The following CNTN5 variants were observed in gnomAD, a reference collection of about 807,000 sequenced individuals.
The protein encoded by CNTN5 is contactin-5.
Under a neutral mutation model 129.1 loss-of-function variants are expected in CNTN5, and 77 were observed. The ratio of observed to expected loss-of-function variants is 0.60; its 90% CI spans 0.50 to 0.72. The LOEUF (loss-of-function observed/expected upper bound fraction) is 0.72, where lower values mean the gene tolerates loss of function less well. Ranked by LOEUF, CNTN5 falls within the 30% of genes least tolerant of loss-of-function variation. The pLI, the probability that CNTN5 is intolerant of heterozygous loss-of-function variation, is 0.00. For missense variants in CNTN5, 1,478 were observed against 1,328.8 expected (o/e 1.11, Z -1.75); for synonymous variants, 509 against 465.6 (o/e 1.09, Z -1.20).
Position 100,356,998 on chromosome 11 carries a change from A to T in CNTN5, c.*778A>T, listed in dbSNP as rs1952539105. 1 of 151,798 alleles carries T rather than the reference A, an allele frequency of 6.6e-6. No homozygotes were observed. Among genetic ancestry groups the T allele is most frequent in the Non-Finnish European group, 1.5e-5 (1 of 67,826 alleles). 9.4% of individuals were successfully genotyped at this position (151,798 alleles called of 1,614,324 possible). ...AAAAGATGGTTTAACATCACCAAAA[A>T]ATATGATCACTAAAAACTGCAGACA... On this transcript the variant is annotated 3_prime_UTR_variant, in exon 25 of 25. Transcript: ENST00000524871.
chr11:99,930,774 T>C (rs1037055170), intron 7 of CNTN5, among the ~76,000 whole-genome samples: 1 of 121,980 alleles, frequency 8.2e-6, no homozygotes, highest in African/African-American at 3.2e-5. Context: ...AAACAGTAGA[T>C]AAAAATAAAC....
At chr11:99,609,286 A>G (rs1208622326) in intron 3 of CNTN5, among the ~76,000 whole-genome samples, 1 of 152,166 alleles carries the variant, frequency 6.6e-6, no homozygotes, top group Non-Finnish European at 1.5e-5. Context: ...ACCCAAAGAG[A>G]TAAGTGGCAA....
At chr11:99,446,169 T>A (rs1331168606) in intron 2 of CNTN5, among the ~76,000 whole-genome samples, 1 of 151,982 alleles carries the variant, frequency 6.6e-6, no homozygotes, top group South Asian at 2.1e-4. Flanking sequence ...CTGCATCTTA[T>A]CTTAGTTTCC....
chr11:99,714,739 G>T (rs747577514), intron 3 of CNTN5, among the ~76,000 whole-genome samples: 19 of 151,474 alleles, frequency 1.3e-4, no homozygotes, highest in Non-Finnish European at 2.1e-4. Flanking sequence ...CAAATCCCAT[G>T]TTCACCATAT....
At chr11:99,247,539 C>T (rs1280292153) in intron 1 of CNTN5, among the ~76,000 whole-genome samples, 1 of 151,878 alleles carries the variant, frequency 6.6e-6, no homozygotes, top group African/African-American at 2.4e-5. Flanking sequence ...TATACATGTG[C>T]CATGTTGTTG....
At chr11:99,440,039 A>G (rs1486586871) in intron 2 of CNTN5, among the ~76,000 whole-genome samples, 1 of 152,184 alleles carries the variant, frequency 6.6e-6, no homozygotes, top group Admixed American at 6.5e-5. Context: ...TAATGAATGC[A>G]TTAGTATTTC....
At chr11:99,679,612 T>C (rs1400054831) in intron 3 of CNTN5, among the ~76,000 whole-genome samples, 1 of 152,216 alleles carries the variant, frequency 6.6e-6, no homozygotes, top group African/African-American at 2.4e-5. Flanking sequence ...CACTTTTTCC[T>C]GTCCCTCTCC....
intron 2 of CNTN5, among the ~76,000 whole-genome samples, chr11:99,532,808 T>TC (rs558681840): frequency 8.5e-4 from 129 of 152,318 alleles, no homozygotes; most frequent in African/African-American, 3.0e-3. Flanking sequence ...ATATAAAAAC[T>TC]CTTTTTCCTC....
At chr11:99,535,427 A>G (rs752807240) in intron 2 of CNTN5, among the ~76,000 whole-genome samples, 1 of 152,192 alleles carries the variant, frequency 6.6e-6, no homozygotes, top group Non-Finnish European at 1.5e-5. Context: ...ATTGTGCCAC[A>G]TGAAAATTCC....
At chr11:99,768,513 T>A (rs537902082) in intron 3 of CNTN5, among the ~76,000 whole-genome samples, 1 of 152,266 alleles carries the variant, frequency 6.6e-6, no homozygotes, top group African/African-American at 2.4e-5. Flanking sequence ...TGATACTTTA[T>A]CTCTTGACCC....
At chr11:99,542,203 TC>T (rs1948141575) in intron 2 of CNTN5, among the ~76,000 whole-genome samples, 1 of 152,086 alleles carries the variant, frequency 6.6e-6, no homozygotes, top group African/African-American at 2.4e-5. Flanking sequence ...CCAACTCCTC[TC>T]TTCTAGCAAT....
intron 2 of CNTN5, among the ~76,000 whole-genome samples, chr11:99,451,163 A>C (rs967883644): frequency 2.6e-5 from 4 of 152,090 alleles, no homozygotes; most frequent in African/African-American, 9.7e-5. Context: ...AGTCAAGAGA[A>C]AGGATGGAAA....
At chr11:99,165,386 A>T (rs1860821406) in intron 1 of CNTN5, among the ~76,000 whole-genome samples, 1 of 152,184 alleles carries the variant, frequency 6.6e-6, no homozygotes, top group South Asian at 2.1e-4. Context: ...AGGAAGATCA[A>T]ATTTGGCATG....
At chr11:99,882,867 C>A (rs971637784) in intron 6 of CNTN5, among the ~76,000 whole-genome samples, 4 of 152,076 alleles carry the variant, frequency 2.6e-5, no homozygotes, top group African/African-American at 9.7e-5. Flanking sequence ...TTATTCCCCC[C>A]ACCTCCATTC....
intron 2 of CNTN5, among the ~76,000 whole-genome samples, chr11:99,434,868 A>G (rs1328465784): frequency 6.6e-6 from 1 of 152,178 alleles, no homozygotes; most frequent in Non-Finnish European, 1.5e-5. Flanking sequence ...ATTAAAATGA[A>G]CATCATACTT....
chr11:100,333,034 C>T (rs754096085), intron 21 of CNTN5, among the ~76,000 whole-genome samples: 2 of 151,440 alleles, frequency 1.3e-5, no homozygotes, highest in Non-Finnish European at 3.0e-5. Flanking sequence ...TGATTGTATA[C>T]ATGAAGACAA....
At chr11:99,955,178 T>TA (rs575850112) in intron 7 of CNTN5, among the ~76,000 whole-genome samples, 1 of 150,952 alleles carries the variant, frequency 6.6e-6, no homozygotes, top group South Asian at 2.1e-4. Context: ...AAATATATAT[T>TA]AAAAAATATA....
intron 13 of CNTN5, among the ~76,000 whole-genome samples, chr11:100,104,045 T>G (rs1945327558): frequency 6.6e-6 from 1 of 152,062 alleles, no homozygotes; most frequent in South Asian, 2.1e-4. Flanking sequence ...CACATATTAT[T>G]TTAAAACAAA....
At chr11:99,400,000 C>A (rs1941717616) in intron 2 of CNTN5, among the ~76,000 whole-genome samples, 1 of 151,966 alleles carries the variant, frequency 6.6e-6, no homozygotes, top group South Asian at 2.1e-4. Context: ...ATGTTACAAA[C>A]AATACAATTA....
Sources: gnomAD v4.1 joint callset for allele counts (sites outside exome capture counted in the v4.1 genomes callset) on GRCh38, gnomAD v4.1.1 for gene constraint, MANE v1.5 for transcripts, NCBI Gene and HGNC (gene_info 2026-07-23, HGNC 2026-07-21) for gene names.